The following MGAT4B variants were observed in gnomAD, a reference collection of about 807,000 sequenced individuals.
The protein encoded by MGAT4B is alpha-1,3-mannosyl-glycoprotein 4-beta-N-acetylglucosaminyltransferase B.
A neutral mutation model predicts 73.9 loss-of-function variants in MGAT4B; 38 were observed. The ratio of observed to expected loss-of-function variants is 0.51; its 90% CI spans 0.40 to 0.67. The LOEUF is 0.67. Ranked by LOEUF, MGAT4B falls within the 30% of genes least tolerant of loss-of-function variation. The pLI is 0.00. For missense variants in MGAT4B, 686 were observed against 735.2 expected (o/e 0.93, Z 0.77); for synonymous variants, 373 against 313.5 (o/e 1.19, Z -2.01).
intron 11 of MGAT4B, 51 bp from the exon 12 acceptor site, chr5:179,798,642 G>A (rs764876166): frequency 1.3e-6 from 2 of 1,589,962 alleles, no homozygotes; most frequent in South Asian, 2.2e-5. Flanking sequence ...TTCCAGCACA[G>A]CACCCAGGGC....
intron 11 of MGAT4B, 152 bp downstream of exon 11, chr5:179,798,776 T>C: frequency 9.1e-7 from 1 of 1,093,360 alleles, no homozygotes; most frequent in Non-Finnish European, 1.3e-6. Flanking sequence ...TCCTAGGGGC[T>C]GCCTGACTTA....
rs576648308 is a variant in MGAT4B at position 179,798,168 on chromosome 5, G to A, written c.1620C>T (p.Ser540=). Residue 540 remains serine (S), a synonymous_variant, in exon 14 of 15, where the codon AGC becomes AGT. Coordinates refer to ENST00000292591, the MANE Select transcript of MGAT4B (RefSeq NM_014275.5). ...QTDSPVWVIL[S]EIFLKKAD is the part of the protein sequence containing the mutation. The stretch of plus-strand genomic sequence containing the variant: ...GCCTGGCCCTGCCCAGCCTCACCTC[G>A]CTCAGAATCACCCACACAGGGGAGT... 1.6e-4 allele frequency: 259 copies of A among 1,593,288 alleles called. No homozygotes were observed. The South Asian group carries it at 2.0e-3, about 12-fold the overall frequency.
Position 179,798,496 on chromosome 5 carries a change from A to T in MGAT4B, c.1422+17T>A. 6.2e-7 allele frequency: 1 copy of T among 1,613,396 alleles called. No individual in the cohort carries two copies. On this transcript the variant is annotated intron_variant, in intron 12 of 14. Coordinates refer to ENST00000292591, the MANE Select transcript of MGAT4B (RefSeq NM_014275.5). ...AGGAGGCCCGGCTTCAGTGCACACC[A>T]CACCCACCGAACTTACGTCGAAGGG...
rs1432910972 is a variant in MGAT4B at position 179,801,418 on chromosome 5, G to A, written c.474C>T (p.Tyr158=). 3.8e-5 allele frequency: 62 copies of A among 1,612,174 alleles called. No individual in the cohort carries two copies. Among genetic ancestry groups the A allele is most frequent in the Non-Finnish European group, 4.9e-5 (58 of 1,179,282 alleles). Residue 158 remains tyrosine, a synonymous_variant, in exon 4 of 15, where the codon TAC becomes TAT. Transcript: ENST00000292591. The surrounding 1 kb of genome is among the most constrained non-coding windows in gnomAD (Gnocchi z 4.8). Reference sequence around the variant, plus strand: ...TGAGCGAGTGCAGAGTGTCAGTCAGGTACGAGTGCACCTCGCGCCGCACGC... The same window carrying A: ...TGAGCGAGTGCAGAGTGTCAGTCAGATACGAGTGCACCTCGCGCCGCACGC... The part of the protein sequence containing the change: ...IPSVRREVHS[Y]LTDTLHSLIS...
chr5:179,801,200 A>G lies in MGAT4B; in HGVS notation c.558+134T>C, dbSNP rs1756909255. The stretch of plus-strand genomic sequence containing the variant: ...TGCCAGAAAGCCCTTTCAACTTTCT[A>G]TCTCGGAGCATTTGCGAATGAAACT... On this transcript the variant is annotated intron_variant, in intron 4 of 14. Transcript: ENST00000292591. The surrounding 1 kb of genome is among the most constrained non-coding windows in gnomAD (Gnocchi z 4.8). The G allele has an allele frequency of 3.0e-6, 4 of 1,344,180 alleles. No homozygotes were observed. Among genetic ancestry groups the G allele is most frequent in the Non-Finnish European group, 4.0e-6 (4 of 1,004,200 alleles). 83.3% of individuals were successfully genotyped at this position (1,344,180 alleles called of 1,614,324 possible).
Position 179,799,288 on chromosome 5 carries a change from G to A in MGAT4B, c.1064C>T (p.Ala355Val), listed in dbSNP as rs769361347. The A allele has an allele frequency of 6.2e-7, 1 of 1,613,840 alleles. No individual in the cohort carries two copies. The highest frequency in any genetic ancestry group is 1.1e-5 in the South Asian group (1 of 91,080). ...CGGTTTGAAGCGGATCCGCAGGTTGGCTTTCTGCCGGTCACAGTGCTTCTG... is the reference window on the plus strand; with the variant it reads ...CGGTTTGAAGCGGATCCGCAGGTTGACTTTCTGCCGGTCACAGTGCTTCTG... Reference protein sequence around the residue: ...KDAKHCDRQKANLRIRFKPSL... With the variant: ...KDAKHCDRQKVNLRIRFKPSL... Residue 355 changes from alanine (A) to valine (V), a missense_variant, in exon 10 of 15, where the codon GCC becomes GTC. By Grantham distance (64) the Ala-to-Val change is moderately conservative. Around this residue, in one of 2 missense-constraint regions of MGAT4B, gnomAD observed 449 missense variants for 536.8 expected, o/e 0.84. Transcript: ENST00000292591.
chr5:179,802,117 G>A (rs779208008), intron 1 of MGAT4B, 148 bp from the exon 2 acceptor site: 3 of 1,541,390 alleles, frequency 1.9e-6, no homozygotes, highest in African/African-American at 1.4e-5. Context: ...GACATAGCTG[G>A]GGTCACTCTA....
chr5:179,806,714 G>T lies in MGAT4B; in HGVS notation c.-131C>A. 1 of 181,080 alleles carries T rather than the reference G, an allele frequency of 5.5e-6. No individual in the cohort carries two copies. The highest frequency in any genetic ancestry group is 1.7e-4 in the South Asian group (1 of 6,056). 11.2% of individuals were successfully genotyped at this position (181,080 alleles called of 1,614,324 possible). A position where few individuals can be genotyped will look rare whatever the true frequency, so the allele number is the denominator to read the frequency against. ...CCGGCCCCGGGTCGGGGAGGGGCGG[G>T]GGGCCCGGGGCCGGGCGGGGACCGG... On this transcript the variant is annotated 5_prime_UTR_variant, in exon 1 of 15. Transcript: ENST00000292591. This position sits in a 1 kb window ranked among gnomAD's most constrained non-coding sequence, Gnocchi z 4.6.
chr5:179,801,539 T>G lies in MGAT4B; in HGVS notation c.424+15A>C. 1 of 1,605,924 alleles carries G rather than the reference T, an allele frequency of 6.2e-7. No individual in the cohort carries two copies. The highest frequency in any genetic ancestry group is 8.5e-7 in the Non-Finnish European group (1 of 1,175,576). On this transcript the variant is annotated intron_variant, in intron 3 of 14. Coordinates refer to ENST00000292591, the MANE Select transcript of MGAT4B (RefSeq NM_014275.5). This position sits in a 1 kb window ranked among gnomAD's most constrained non-coding sequence, Gnocchi z 4.8. ...CGTCCCCCCACCCCGTGCTCCTCCC[T>G]GTCTGCGCCCATACCTCCGGTGCGG...
chr5:179,800,294 C>T (rs764304827), intron 6 of MGAT4B, 35 bp from the exon 7 acceptor site: 6 of 1,608,666 alleles, frequency 3.7e-6, no homozygotes, highest in African/African-American at 2.7e-5. Context: ...AAGTTCAGAC[C>T]CCTCCACCTC....
At chr5:179,799,744 T>A in intron 8 of MGAT4B, 108 bp from the exon 9 acceptor site, 1 of 1,535,216 alleles carries the variant, frequency 6.5e-7, no homozygotes, top group South Asian at 1.2e-5. Context: ...CAGGCAGGTG[T>A]GGGCATAACG....
chr5:179,802,007 T>A (rs1165335466), intron 1 of MGAT4B, 38 bp from the exon 2 acceptor site: 1 of 1,613,352 alleles, frequency 6.2e-7, no homozygotes, highest in Non-Finnish European at 8.5e-7. Flanking sequence ...GGGGGCGGTC[T>A]AGAGCCACCC....
At position 179,800,951 on chromosome 5, in the gene MGAT4B, A is replaced by G. The variant is rs1234310763; in HGVS notation, c.561T>C (p.Thr187=). 6 of 1,613,818 alleles carry G rather than the reference A, an allele frequency of 3.7e-6. No individual in the cohort carries two copies. The highest frequency in any genetic ancestry group is 5.1e-6 in the Non-Finnish European group (6 of 1,179,970). Residue 187 remains threonine (T), a splice_region_variant and synonymous_variant, in exon 5 of 15, where the codon ACT becomes ACC. Transcript: ENST00000292591. ...DSVIVVLIAE[T]DSQYTSAVTE... The stretch of plus-strand genomic sequence containing the variant: ...TCACTGCCGAAGTGTACTGTGAGTC[A>G]GTCTGTGGGGAGACCAAGCACCCTC...
chr5:179,798,666 G>T (rs937938368), intron 11 of MGAT4B, 75 bp from the exon 12 acceptor site: 13 of 1,526,432 alleles, frequency 8.5e-6, no homozygotes, highest in Non-Finnish European at 1.8e-6. Context: ...GCAGAGAAAG[G>T]CCAGGCCTGC....
intron 8 of MGAT4B, 60 bp from the exon 9 acceptor site, chr5:179,799,696 C>T (rs1295780047): frequency 9.3e-6 from 15 of 1,606,522 alleles, no homozygotes; most frequent in East Asian, 4.5e-5. Context: ...CTCCCTGCAG[C>T]GGCCCCCGAG....
Position 179,800,536 on chromosome 5 carries a change from G to C in MGAT4B, c.667C>G (p.Pro223Ala). 1 of 1,612,302 alleles carries C rather than the reference G, an allele frequency of 6.2e-7. No individual in the cohort carries two copies. The highest frequency in any genetic ancestry group is 8.5e-7 in the Non-Finnish European group (1 of 1,179,716). ...GACTCTCGGAGGCGGGAGAAGTCAGGGTAGAAGTGGGGGGAGGGTGAGATG... is the reference window on the plus strand; with the variant it reads ...GACTCTCGGAGGCGGGAGAAGTCAGCGTAGAAGTGGGGGGAGGGTGAGATG... ...EVISPSPHFY[P>A]DFSRLRESFG... The change falls in exon 6 of 15, where the codon CCT (proline) becomes GCT (alanine). Residue 223 changes from proline (P) to alanine (A), a missense_variant. By Grantham distance (27) the Pro-to-Ala change is conservative. This residue lies in a region of MGAT4B where 449 missense variants were observed against 536.8 expected (regional missense o/e 0.84). Transcript: ENST00000292591.
intron 11 of MGAT4B, 71 bp downstream of exon 11, chr5:179,798,857 G>A (rs1756775930): frequency 5.2e-6 from 8 of 1,539,614 alleles, no homozygotes; most frequent in Non-Finnish European, 7.1e-6. Context: ...AGGATAACTT[G>A]CCGGTGAAGC....
intron 1 of MGAT4B, 147 bp from the exon 2 acceptor site, chr5:179,802,116 G>A: frequency 1.9e-6 from 3 of 1,542,628 alleles, no homozygotes; most frequent in Middle Eastern, 1.7e-4. Flanking sequence ...TGACATAGCT[G>A]GGGTCACTCT....
intron 8 of MGAT4B, 135 bp from the exon 9 acceptor site, chr5:179,799,771 A>G: frequency 7.3e-7 from 1 of 1,372,354 alleles, no homozygotes; most frequent in African/African-American, 1.4e-5. Context: ...GGAGGCAGAC[A>G]GGTGATGAGG....
Sources: allele counts gnomAD v4.1 joint callset, GRCh38; gene constraint gnomAD v4.1.1; regional missense constraint gnomAD v4.1.1; non-coding constraint Gnocchi (gnomAD v3.1); transcripts MANE v1.5; gene names NCBI Gene and HGNC (gene_info 2026-07-23, HGNC 2026-07-21).